Variants in IQGAP2 observed in about 807,000 individuals in gnomAD.
IQGAP2 encodes IQ motif containing GTPase activating protein 2.
A neutral mutation model predicts 201.3 loss-of-function variants in IQGAP2; 173 were observed. That is an observed-to-expected ratio of 0.86 (90% CI 0.76 to 0.98). IQGAP2 has a LOEUF of 0.98. Among genes scored for constraint, IQGAP2 ranks in the 50% least tolerant of loss-of-function variants. IQGAP2 has a pLI of 0.00. For synonymous variants in IQGAP2, 675 were observed against 673.9 expected, an observed-to-expected ratio of 1.00 and a Z score of -0.03; for missense variants, 1,687 against 1,864.8, an observed-to-expected ratio of 0.90 and a Z score of 1.76.
chr5:76,658,414 T>C, intron 20 of IQGAP2, 45 bp from the exon 21 acceptor site: 1 of 1,442,202 alleles, frequency 6.9e-7, no homozygotes, highest in Non-Finnish European at 9.7e-7. Context: ...TTGATAATCA[T>C]TCCAAGCTTT....
intron 1 of IQGAP2, among the ~76,000 whole-genome samples, chr5:76,406,937 G>T (rs541842085): frequency 2.0e-5 from 3 of 152,106 alleles, no homozygotes; most frequent in Non-Finnish European, 4.4e-5. Flanking sequence ...AGCATGTTGT[G>T]GGGGCGGGGA....
chr5:76,650,884 T>C (rs1366811155), intron 17 of IQGAP2, among the ~76,000 whole-genome samples: 3 of 152,210 alleles, frequency 2.0e-5, no homozygotes, highest in Non-Finnish European at 4.4e-5. Context: ...ACAATTTTGG[T>C]ATTACAAACA....
intron 1 of IQGAP2, among the ~76,000 whole-genome samples, chr5:76,428,722 C>A (rs1195211460): frequency 6.6e-6 from 1 of 151,170 alleles, no homozygotes; most frequent in Admixed American, 6.6e-5. Context: ...ACTGAGTCAC[C>A]GTGACTACCC....
chr5:76,611,469 A>G (rs960706192), intron 13 of IQGAP2, among the ~76,000 whole-genome samples: 2 of 152,220 alleles, frequency 1.3e-5, no homozygotes, highest in African/African-American at 2.4e-5. Context: ...AGTAGATACT[A>G]TGTGCACACT....
chr5:76,581,732 A>G (rs1745864553), intron 5 of IQGAP2, among the ~76,000 whole-genome samples: 1 of 152,312 alleles, frequency 6.6e-6, no homozygotes, highest in South Asian at 2.1e-4. Context: ...AGGCTACCTC[A>G]GGATTCCTTT....
intron 1 of IQGAP2, among the ~76,000 whole-genome samples, chr5:76,453,917 C>T (rs1334641349): frequency 6.6e-6 from 1 of 152,068 alleles, no homozygotes; most frequent in Non-Finnish European, 1.5e-5. Flanking sequence ...TTTTAAATTA[C>T]CTTCTGTTGT....
chr5:76,675,095 T>C (rs1457033079), intron 27 of IQGAP2, among the ~76,000 whole-genome samples: 1 of 152,224 alleles, frequency 6.6e-6, no homozygotes, highest in African/African-American at 2.4e-5. Flanking sequence ...AGTTTTCCGG[T>C]GAGGAAGAAC....
chr5:76,606,989 A>G (rs1002759026), intron 12 of IQGAP2: 1 of 152,244 alleles, frequency 6.6e-6, no homozygotes, highest in Non-Finnish European at 1.5e-5. Context: ...AAAACAAAGC[A>G]ACACCATCTT....
intron 13 of IQGAP2, chr5:76,616,162 T>C (rs1047494): frequency 0.43 from 65,734 of 152,232 alleles, 15,050 homozygotes; most frequent in Non-Finnish European, 0.53. Context: ...TATATATAAA[T>C]GCCATAATAA....
At chr5:76,660,466 T>C (rs1358704826) in intron 21 of IQGAP2, 1 of 152,258 alleles carries the variant, frequency 6.6e-6, no homozygotes, top group African/African-American at 2.4e-5. Context: ...GAATGCTTTT[T>C]ATAGCCTTAA....
intron 1 of IQGAP2, among the ~76,000 whole-genome samples, chr5:76,436,280 T>C (rs953005013): frequency 5.3e-5 from 8 of 151,668 alleles, no homozygotes; most frequent in Admixed American, 2.6e-4. Flanking sequence ...AAAGTGGGCA[T>C]CCCTGTCTTG....
chr5:76,698,812 G>C (rs1004656737), intron 33 of IQGAP2, among the ~76,000 whole-genome samples: 3 of 152,036 alleles, frequency 2.0e-5, no homozygotes, highest in Non-Finnish European at 2.9e-5. Context: ...AGGAGGAAAT[G>C]GTGCTGTATG....
At chr5:76,608,351 C>T (rs1747977411) in intron 12 of IQGAP2, among the ~76,000 whole-genome samples, 1 of 152,194 alleles carries the variant, frequency 6.6e-6, no homozygotes, top group Non-Finnish European at 1.5e-5. Flanking sequence ...AACTTTAATA[C>T]AGAGTATTTA....
chr5:76,703,847 A>C (rs773015835), intron 35 of IQGAP2, among the ~76,000 whole-genome samples: 1 of 152,194 alleles, frequency 6.6e-6, no homozygotes, highest in African/African-American at 2.4e-5. Flanking sequence ...ATATGTTTAC[A>C]TGAATCATCT....
At chr5:76,479,861 CAT>C (rs1491393698) in intron 2 of IQGAP2, among the ~76,000 whole-genome samples, 4 of 152,088 alleles carry the variant, frequency 2.6e-5, no homozygotes, top group African/African-American at 9.6e-5. Context: ...TAAATAAACT[CAT>C]GTGTGTGGTG....
intron 16 of IQGAP2, 88 bp from the exon 17 acceptor site, chr5:76,640,845 T>G (rs1751514990): frequency 1.2e-5 from 12 of 1,008,972 alleles, no homozygotes; most frequent in Non-Finnish European, 1.6e-5. Flanking sequence ...TCCATATTAT[T>G]TTCTAAAAGA....
intron 11 of IQGAP2, among the ~76,000 whole-genome samples, chr5:76,601,433 T>C (rs564047959): frequency 8.5e-5 from 13 of 152,180 alleles, no homozygotes; most frequent in Non-Finnish European, 1.9e-4. Flanking sequence ...GCCAAAGAAA[T>C]CCTGAGACCA....
intron 2 of IQGAP2, among the ~76,000 whole-genome samples, chr5:76,526,093 G>C (rs568213306): frequency 6.6e-6 from 1 of 152,308 alleles, no homozygotes; most frequent in Admixed American, 6.5e-5. Context: ...AGAAGAACTT[G>C]GCTAGAATAT....
chr5:76,538,684 G>C (rs566580131), intron 2 of IQGAP2, among the ~76,000 whole-genome samples: 3 of 152,264 alleles, frequency 2.0e-5, no homozygotes, highest in East Asian at 3.9e-4. Context: ...ACTGTGCCCT[G>C]TTAAATCCCC....
Sources: gnomAD v4.1 joint callset for allele counts (sites outside exome capture counted in the v4.1 genomes callset) on GRCh38, gnomAD v4.1.1 for gene constraint, MANE v1.5 for transcripts, NCBI Gene and HGNC (gene_info 2026-07-23, HGNC 2026-07-21) for gene names.